The following MRPL20 variants were observed in gnomAD, a reference collection of about 807,000 sequenced individuals.
The protein encoded by MRPL20 is mitochondrial ribosomal protein L20.
In MRPL20, 21 loss-of-function variants were observed where a neutral mutation model predicts 20.0. The ratio of observed to expected loss-of-function variants is 1.05; its 90% CI spans 0.74 to 1.51. MRPL20 has a LOEUF of 1.51. Ranked by LOEUF, MRPL20 falls within the 40% of genes most tolerant of loss-of-function variation. The probability of loss-of-function intolerance (pLI) is 0.00; values close to 1 mark genes in which losing one functional copy is unlikely to be tolerated. For synonymous variants in MRPL20, 104 were observed against 73.0 expected, an observed-to-expected ratio of 1.43 and a Z score of -2.17; for missense variants, 252 against 185.6, an observed-to-expected ratio of 1.36 and a Z score of -2.08.
intron 1 of MRPL20, 37 bp from the exon 2 acceptor site, chr1:1,407,056 G>C (rs1268342654): frequency 6.2e-7 from 1 of 1,609,788 alleles, no homozygotes. Flanking sequence ...TTGTCAGCGG[G>C]GCCCGCGCCG....
intron 3 of MRPL20, among the ~76,000 whole-genome samples, chr1:1,403,665 A>T (rs1354816825): frequency 2.0e-5 from 3 of 151,876 alleles, no homozygotes; most frequent in Admixed American, 2.0e-4. Context: ...CCACCCCCTC[A>T]ACCTTTTAGG....
At position 1,406,174 on chromosome 1, in the gene MRPL20, G is replaced by A. The variant is rs532172124; in HGVS notation, c.199-288C>T. On this transcript the variant is annotated intron_variant, in intron 2 of 3. Coordinates refer to ENST00000344843, the MANE Select transcript of MRPL20 (RefSeq NM_017971.4). ...AGTTCGAGACCAGCCTGACCAACAT[G>A]GCGGAACCCGGTCTCTACTAAAAAT... 1.4e-4 allele frequency: 47 copies of A among 337,412 alleles called. No individual in the cohort carries two copies. The South Asian group carries it at 1.7e-3, about 12-fold the overall frequency. 20.9% of individuals were successfully genotyped at this position (337,412 alleles called of 1,614,324 possible).
At chr1:1,402,726 T>C (rs1645344840) in intron 3 of MRPL20, 3 of 737,564 alleles carry the variant, frequency 4.1e-6, no homozygotes, top group South Asian at 6.1e-5. Flanking sequence ...GTCTCGCCTG[T>C]AATCCCAGCA....
At position 1,407,212 on chromosome 1, in the gene MRPL20, G is replaced by T. The variant is rs1393609701; in HGVS notation, c.6C>A (p.Val2=). The change falls in exon 1 of 4, where the codon GTC becomes GTA. Residue 2 remains valine (V), a synonymous_variant. Coordinates refer to ENST00000344843, the MANE Select transcript of MRPL20 (RefSeq NM_017971.4). The part of the protein sequence containing the change: M[V]FLTAQLWLRN... Reference sequence around the variant, plus strand: ...GCAGCCAGAGCTGCGCGGTGAGGAAGACCATGGCGCCTGCAGGCCGGCGTC... The same window carrying T: ...GCAGCCAGAGCTGCGCGGTGAGGAATACCATGGCGCCTGCAGGCCGGCGTC... The T allele has an allele frequency of 6.2e-7, 1 of 1,601,192 alleles. No homozygotes were observed. The highest frequency in any genetic ancestry group is 1.1e-5 in the South Asian group (1 of 89,782).
chr1:1,404,443 C>T (rs543234055), intron 3 of MRPL20, among the ~76,000 whole-genome samples: 7 of 151,564 alleles, frequency 4.6e-5, no homozygotes, highest in Non-Finnish European at 5.9e-5. Flanking sequence ...TGTGAGCCAC[C>T]GCGCCTGGCC....
intron 3 of MRPL20, 183 bp downstream of exon 3, chr1:1,405,626 T>C: frequency 9.1e-7 from 1 of 1,096,150 alleles, no homozygotes; most frequent in Admixed American, 2.0e-5. Flanking sequence ...GTCACCATAT[T>C]GATACCACAC....
At chr1:1,405,739 C>G (rs1645377061) in intron 3 of MRPL20, 70 bp downstream of exon 3, 1 of 1,613,836 alleles carries the variant, frequency 6.2e-7, no homozygotes, top group Non-Finnish European at 8.5e-7. Context: ...ACAGGAAGCA[C>G]CACCACGCCC....
At chr1:1,404,691 C>G (rs1261298753) in intron 3 of MRPL20, among the ~76,000 whole-genome samples, 7 of 150,042 alleles carry the variant, frequency 4.7e-5, no homozygotes, top group East Asian at 4.0e-4. Flanking sequence ...TAGTAGAGAC[C>G]GGGTTTCACC....
chr1:1,406,623 A>G, intron 2 of MRPL20: 1 of 470,304 alleles, frequency 2.1e-6, no homozygotes, highest in Non-Finnish European at 3.9e-6. Flanking sequence ...TGAGAGCAGC[A>G]GCGACTAGGG....
Position 1,406,969 on chromosome 1 carries a change from C to T in MRPL20, c.138G>A (p.Val46=), listed in dbSNP as rs774922253. 1 of 1,613,900 alleles carries T rather than the reference C, an allele frequency of 6.2e-7. No homozygotes were observed. Among genetic ancestry groups the T allele is most frequent in the Non-Finnish European group, 8.5e-7 (1 of 1,179,796 alleles). Residue 46 remains valine, a synonymous_variant, in exon 2 of 4, where the codon GTG becomes GTA. Coordinates refer to ENST00000344843, the MANE Select transcript of MRPL20 (RefSeq NM_017971.4). The part of the protein sequence containing the change: ...NRCYRLAVRT[V]IRAFVKCTKA... Reference sequence around the variant, plus strand: ...TGGTGCATTTCACAAAGGCTCGAATCACGGTTCTGACCGCCAACCTGTAGC... The same window carrying T: ...TGGTGCATTTCACAAAGGCTCGAATTACGGTTCTGACCGCCAACCTGTAGC...
Position 1,402,263 on chromosome 1 carries a change from AAAGAATG to A in MRPL20, c.277-14_277-8del. On this transcript the variant is annotated splice_polypyrimidine_tract_variant and splice_region_variant and intron_variant, in intron 3 of 3. Transcript: ENST00000344843. ...TGTTGAGCTCCACCTGGCACTGAAA[AAAGAATG>A]AATCAGAACCTGCTGTCAGTGTGAG... The A allele has an allele frequency of 1.9e-6, 3 of 1,604,782 alleles. No individual in the cohort carries two copies. The highest frequency in any genetic ancestry group is 2.6e-6 in the Non-Finnish European group (3 of 1,175,764).
Position 1,407,172 on chromosome 1 carries a change from C to T in MRPL20, c.46G>A (p.Asp16Asn). The change falls in exon 1 of 4, where the codon GAC (aspartate) becomes AAC (asparagine). Residue 16 changes from aspartate (D) to asparagine (N), a missense_variant. Transcript: ENST00000344843. ...ACCTCCTGGATCCGAAAGTAGCGGT[C>T]GGTGACGCGATTCCGCAGCCAGAGC... ...AQLWLRNRVT[D>N]RYFRIQEVLK... 6.2e-7 allele frequency: 1 copy of T among 1,607,686 alleles called. No homozygotes were observed. Among genetic ancestry groups the T allele is most frequent in the East Asian group, 2.2e-5 (1 of 44,648 alleles).
At position 1,406,900 on chromosome 1, in the gene MRPL20, C is replaced by T. The variant is rs759111009; in HGVS notation, c.198+9G>A. 4 of 1,609,826 alleles carry T rather than the reference C, an allele frequency of 2.5e-6. No individual in the cohort carries two copies. Among genetic ancestry groups the T allele is most frequent in the Non-Finnish European group, 2.5e-6 (3 of 1,176,514 alleles). ...CGCTGGCCGGCGGGTGTCCCGGGTC[C>T]ACGCTTACGGTCCTCATGTTCTTTT... On this transcript the variant is annotated intron_variant, in intron 2 of 3. Transcript: ENST00000344843.
At position 1,407,174 on chromosome 1, in the gene MRPL20, G is replaced by A; in HGVS notation, c.44C>T (p.Thr15Ile). The stretch of plus-strand genomic sequence containing the variant: ...CTCCTGGATCCGAAAGTAGCGGTCG[G>A]TGACGCGATTCCGCAGCCAGAGCTG... Reference protein sequence around the residue: ...TAQLWLRNRVTDRYFRIQEVL... With the variant: ...TAQLWLRNRVIDRYFRIQEVL... The change falls in exon 1 of 4, where the codon ACC (threonine) becomes ATC (isoleucine). Residue 15 changes from threonine to isoleucine, a missense_variant. By Grantham distance (89) the Thr-to-Ile change is moderately conservative. Transcript: ENST00000344843. 7 of 1,607,738 alleles carry A rather than the reference G, an allele frequency of 4.4e-6. No homozygotes were observed. Among genetic ancestry groups the A allele is most frequent in the Non-Finnish European group, 5.9e-6 (7 of 1,177,358 alleles).
At position 1,401,960 on chromosome 1, in the gene MRPL20, C is replaced by T. The variant is rs1645333694; in HGVS notation, c.*123G>A. On this transcript the variant is annotated 3_prime_UTR_variant, in exon 4 of 4. Transcript: ENST00000344843. ...CAAAACATGGACATCATCTGTGAGGCTCTGTCCCAGAGAGACAGGGCCATC... is the reference window on the plus strand; with the variant it reads ...CAAAACATGGACATCATCTGTGAGGTTCTGTCCCAGAGAGACAGGGCCATC... 9.1e-7 allele frequency: 1 copy of T among 1,100,214 alleles called. No homozygotes were observed. Among genetic ancestry groups the T allele is most frequent in the Non-Finnish European group, 1.3e-6 (1 of 770,672 alleles). 68.2% of individuals were successfully genotyped at this position (1,100,214 alleles called of 1,614,324 possible).
chr1:1,407,134 G>A lies in MRPL20; in HGVS notation c.84C>T (p.Ala28=), dbSNP rs1480550938. The change falls in exon 1 of 4, where the codon GCC becomes GCT. Residue 28 remains alanine (A), a synonymous_variant. Coordinates refer to ENST00000344843, the MANE Select transcript of MRPL20 (RefSeq NM_017971.4). ...YFRIQEVLKH[A]RHFRGRKNRC... ...AGGCCGGGCAGGCGGCACTCACCCT[G>A]GCGTGCTTCAGCACCTCCTGGATCC... is the stretch of plus-strand genomic sequence containing the variant. The A allele has an allele frequency of 1.2e-6, 2 of 1,607,118 alleles. No homozygotes were observed. The highest frequency in any genetic ancestry group is 1.7e-6 in the Non-Finnish European group (2 of 1,176,646).
intron 3 of MRPL20, among the ~76,000 whole-genome samples, chr1:1,402,832 GAAAA>G (rs1178363344): frequency 6.6e-6 from 1 of 151,530 alleles, no homozygotes; most frequent in Admixed American, 6.6e-5. Flanking sequence ...AAAAATACAA[GAAAA>G]AAAACCACAA....
chr1:1,402,159 T>A lies in MRPL20; in HGVS notation c.374A>T (p.His125Leu), dbSNP rs147491797. Reference sequence around the variant, plus strand: ...CCCCAAGGCAGCAGCAAATCCTTCGTGTCGCCTCCTACTGGCCAAGGCAGC... The same window carrying A: ...CCCCAAGGCAGCAGCAAATCCTTCGAGTCGCCTCCTACTGGCCAAGGCAGC... The part of the protein sequence containing the change: ...SLAALASRRR[H>L]EGFAAALGDG... Residue 125 changes from histidine (H) to leucine (L), a missense_variant, in exon 4 of 4, where the codon CAC becomes CTC. Coordinates refer to ENST00000344843, the MANE Select transcript of MRPL20 (RefSeq NM_017971.4). 3.7e-4 allele frequency: 597 copies of A among 1,614,144 alleles called. 1 individual carries two copies. The African/African-American group carries it at 4.8e-3, about 13-fold the overall frequency.
At chr1:1,405,688 C>A (rs1285074159) in intron 3 of MRPL20, 121 bp downstream of exon 3, 1 of 1,545,812 alleles carries the variant, frequency 6.5e-7, no homozygotes, top group African/African-American at 1.4e-5. Flanking sequence ...AAGTCAGTCT[C>A]CAGGGATCCT....
Sources: allele counts gnomAD v4.1 joint callset (sites outside exome capture counted in the v4.1 genomes callset), GRCh38; gene constraint gnomAD v4.1.1; transcripts MANE v1.5; gene names NCBI Gene and HGNC (gene_info 2026-07-23, HGNC 2026-07-21).